The following SLCO1A2 variants were observed in gnomAD, a reference collection of about 807,000 sequenced individuals.
SLCO1A2 encodes the protein OATP-1.
A neutral mutation model predicts 69.0 loss-of-function variants in SLCO1A2; 67 were observed. That is an observed-to-expected ratio of 0.97 (90% confidence interval 0.80 to 1.19). The LOEUF is 1.19. Ranked by LOEUF, SLCO1A2 falls within the 50% of genes most tolerant of loss-of-function variation. The pLI, the probability that SLCO1A2 is intolerant of heterozygous loss-of-function variation, is 0.00. For missense variants in SLCO1A2, 787 were observed against 793.7 expected, an observed-to-expected ratio of 0.99 and a Z score of 0.10; for synonymous variants, 260 against 265.9, an observed-to-expected ratio of 0.98 and a Z score of 0.22.
intron 9 of SLCO1A2, 61 bp downstream of exon 9, chr12:21,297,343 C>T (rs189296781): frequency 1.1e-5 from 14 of 1,298,402 alleles, no homozygotes; most frequent in South Asian, 5.9e-5. Flanking sequence ...TTGCTACACC[C>T]GCCATCACAC....
chr12:21,306,953 T>C lies in SLCO1A2; in HGVS notation c.371A>G (p.Asn124Ser), dbSNP rs1353638851. ...ACACAAGAAACTGTTTGAGGACAAG[T>C]TGCCTGAAACTGAAACTGTAGATTC... ...EYESTVSVSG[N>S]LSSNSFLCME... The change falls in exon 5 of 15, where the codon AAC (asparagine) becomes AGC (serine). Residue 124 changes from asparagine to serine, a missense_variant. Physicochemically the swap from Asn to Ser is conservative, Grantham distance 46. Transcript: ENST00000683939. 7 of 1,613,712 alleles carry C rather than the reference T, an allele frequency of 4.3e-6. No individual in the cohort carries two copies. Among genetic ancestry groups the C allele is most frequent in the Middle Eastern group, 1.6e-4 (1 of 6,080 alleles).
chr12:21,338,877 T>A (rs763970494), upstream of SLCO1A2, among the ~76,000 whole-genome samples: 2 of 152,102 alleles, frequency 1.3e-5, no homozygotes, highest in South Asian at 2.1e-4. Context: ...TCCAACACAT[T>A]TATTTATGTA....
chr12:21,334,662 T>C lies in SLCO1A2; in HGVS notation c.-15A>G. On this transcript the variant is annotated 5_prime_UTR_variant, in exon 2 of 15. Coordinates refer to ENST00000683939, the MANE Select transcript of SLCO1A2 (RefSeq NM_001386879.1). ...GTTTCTCCCATGTTGCTCTTCAGGG[T>C]GTTCCAAGCTATTTATGTTTTAAAT... The C allele has an allele frequency of 6.2e-7, 1 of 1,603,458 alleles. No individual in the cohort carries two copies. The highest frequency in any genetic ancestry group is 8.5e-7 in the Non-Finnish European group (1 of 1,174,406).
upstream of SLCO1A2, among the ~76,000 whole-genome samples, chr12:21,396,620 G>GA (rs1371467303): frequency 3.3e-5 from 5 of 152,046 alleles, no homozygotes; most frequent in Admixed American, 6.6e-5. Flanking sequence ...GGCAGCCAGA[G>GA]AGAAAGGTCG....
Position 21,267,600 on chromosome 12 carries a change from C to CTAAT in SLCO1A2, c.*1944_*1947dup, listed in dbSNP as rs1231205073. On this transcript the variant is annotated 3_prime_UTR_variant, in exon 15 of 15. Coordinates refer to ENST00000683939, the MANE Select transcript of SLCO1A2 (RefSeq NM_001386879.1). ...CAAACTATCTCTCATTCCCCTTCTT[C>CTAAT]TAATTTCCATAAGTCTAACTTCCAT... The CTAAT allele has an allele frequency of 6.6e-6, 1 of 152,140 alleles. No homozygotes were observed. Among genetic ancestry groups the CTAAT allele is most frequent in the Non-Finnish European group, 1.5e-5 (1 of 68,046 alleles). The allele number at this position is 152,140 out of a possible 1,614,324, so 9.4% of individuals were successfully genotyped here. A position where few individuals can be genotyped will look rare whatever the true frequency, so the allele number is the denominator to read the frequency against.
intron 1 of SLCO1A2, among the ~76,000 whole-genome samples, chr12:21,374,998 T>C (rs1940086884): frequency 6.6e-6 from 1 of 152,020 alleles, no homozygotes; most frequent in Admixed American, 6.6e-5. Flanking sequence ...ATCTTTATTT[T>C]ATAGGGAAAG....
rs1942190546 is a variant in SLCO1A2 at position 21,267,415 on chromosome 12, T to G, written c.*2133A>C. ...TGAGTAAGTTTTTGCTTATTCAGTT[T>G]TGCTCCACGACAAGAGGTCATCAGG... On this transcript the variant is annotated 3_prime_UTR_variant, in exon 15 of 15. Transcript: ENST00000683939. 6.6e-6 allele frequency: 1 copy of G among 152,126 alleles called. No individual in the cohort carries two copies. Among genetic ancestry groups the G allele is most frequent in the South Asian group, 2.1e-4 (1 of 4,834 alleles). 9.4% of individuals were successfully genotyped at this position (152,126 alleles called of 1,614,324 possible). A position where few individuals can be genotyped will look rare whatever the true frequency, so the allele number is the denominator to read the frequency against.
At chr12:21,300,226 G>A (rs1313656993) in intron 8 of SLCO1A2, 122 bp downstream of exon 8, 5 of 607,162 alleles carry the variant, frequency 8.2e-6, no homozygotes, top group Admixed American at 3.4e-5. Flanking sequence ...TTCTTGACTG[G>A]TGACTGTTGA....
chr12:21,378,329 C>T (rs865988991), intron 1 of SLCO1A2: 3 of 1,614,088 alleles, frequency 1.9e-6, no homozygotes, highest in Non-Finnish European at 2.5e-6. Context: ...AACTTTGGTG[C>T]CATTCTCTCA....
Position 21,266,470 on chromosome 12 carries a change from A to AAAGTT in SLCO1A2, c.*3073_*3077dup, listed in dbSNP as rs1942075672. The stretch of plus-strand genomic sequence containing the variant: ...CAAATTTCTTAAAATCATCTGAGGA[A>AAAGTT]AAGTTAATGATTTTAGGAGGAGTAG... On this transcript the variant is annotated 3_prime_UTR_variant, in exon 15 of 15. Coordinates refer to ENST00000683939, the MANE Select transcript of SLCO1A2 (RefSeq NM_001386879.1). 6.6e-6 allele frequency: 1 copy of AAAGTT among 152,146 alleles called. No individual in the cohort carries two copies. The highest frequency in any genetic ancestry group is 2.1e-4 in the South Asian group (1 of 4,826). 9.4% of individuals were successfully genotyped at this position (152,146 alleles called of 1,614,324 possible). A position where few individuals can be genotyped will look rare whatever the true frequency, so the allele number is the denominator to read the frequency against.
chr12:21,384,059 G>A (rs926539957), intron 1 of SLCO1A2, among the ~76,000 whole-genome samples: 3 of 152,106 alleles, frequency 2.0e-5, no homozygotes, highest in Non-Finnish European at 2.9e-5. Context: ...TTGAAGATTA[G>A]AAATAAAATA....
At position 21,295,769 on chromosome 12, in the gene SLCO1A2, A is replaced by C. The variant is rs772700890; in HGVS notation, c.1099T>G (p.Cys367Gly). ...AAACCACCAATTATATATCCAATAC[A>C]TATTGGAGGTAAGTTATAAATACCT... ...LMGIYNLPPI[C>G]IGYIIGGLIM... Residue 367 changes from cysteine (C) to glycine (G), a missense_variant, in exon 10 of 15, where the codon TGT becomes GGT. By Grantham distance (159) the Cys-to-Gly change is radical. Coordinates refer to ENST00000683939, the MANE Select transcript of SLCO1A2 (RefSeq NM_001386879.1). The C allele has an allele frequency of 6.4e-7, 1 of 1,550,534 alleles. No individual in the cohort carries two copies. Among genetic ancestry groups the C allele is most frequent in the Non-Finnish European group, 8.9e-7 (1 of 1,127,226 alleles).
At chr12:21,303,017 T>C (rs543135933) in intron 6 of SLCO1A2, among the ~76,000 whole-genome samples, 3 of 152,252 alleles carry the variant, frequency 2.0e-5, no homozygotes, top group Admixed American at 2.0e-4. Flanking sequence ...AACCTAGCTT[T>C]TATATTCTCT....
At chr12:21,365,133 C>T (rs1171609172) in intron 2 of SLCO1A2, among the ~76,000 whole-genome samples, 1 of 152,182 alleles carries the variant, frequency 6.6e-6, no homozygotes, top group African/African-American at 2.4e-5. Flanking sequence ...ATCACACTAC[C>T]TGACTTCAAA....
intron 2 of SLCO1A2, among the ~76,000 whole-genome samples, chr12:21,361,221 T>C (rs1938843583): frequency 6.6e-6 from 1 of 152,148 alleles, no homozygotes; most frequent in Non-Finnish European, 1.5e-5. Flanking sequence ...ACATCTGCTG[T>C]TCTGCAATAT....
At chr12:21,319,269 A>G (rs1180954069) in intron 2 of SLCO1A2, 3 of 1,114,496 alleles carry the variant, frequency 2.7e-6, no homozygotes, top group Non-Finnish European at 3.8e-6. Flanking sequence ...GAATTCATAC[A>G]TGTACTGTAA....
chr12:21,300,849 T>C (rs1328722355), intron 7 of SLCO1A2, among the ~76,000 whole-genome samples: 1 of 152,208 alleles, frequency 6.6e-6, no homozygotes, highest in African/African-American at 2.4e-5. Context: ...CTTAAAGTTC[T>C]ATTTCATCAT....
chr12:21,352,270 C>T lies in SLCO1A2; in HGVS notation c.-62-17561G>A, dbSNP rs547646525. 3.9e-5 allele frequency among the ~76,000 whole-genome samples: 6 copies of T among 152,232 alleles called. 2 individuals are homozygous for T. The highest frequency in any genetic ancestry group is 1.2e-4 in the African/African-American group (5 of 41,514). On this transcript the variant is annotated intron_variant, in intron 2 of 15. Transcript: ENST00000307378. ...GAGAGGAAAAACTAGGACAGGTGGA[C>T]GGCAGCAGTTAGACAAAATTCTATG...
chr12:21,411,422 C>T (rs747826624), intron 1 of SLCO1A2, among the ~76,000 whole-genome samples: 1 of 152,156 alleles, frequency 6.6e-6, no homozygotes, highest in Non-Finnish European at 1.5e-5. Flanking sequence ...AAATCCCAAA[C>T]ATATTTCGAC....
Sources: allele counts gnomAD v4.1 joint callset (sites outside exome capture counted in the v4.1 genomes callset), GRCh38; gene constraint gnomAD v4.1.1; transcripts MANE v1.5; gene names NCBI Gene and HGNC (gene_info 2026-07-23, HGNC 2026-07-21).